C10orf90: variants seen among roughly 807,000 people sequenced by gnomAD.
C10orf90 encodes the protein (E2-independent) E3 ubiquitin-conjugating enzyme FATS.
In C10orf90, 56 loss-of-function variants were observed where a neutral mutation model predicts 62.5. That is an observed-to-expected ratio of 0.90 (90% CI 0.72 to 1.12). C10orf90 has a LOEUF of 1.12. Among genes scored for constraint, C10orf90 ranks in the 50% most tolerant of loss-of-function variants. C10orf90 has a pLI of 0.00. For missense variants in C10orf90, 970 were observed against 880.4 expected, an observed-to-expected ratio of 1.10 and a Z score of -1.29; for synonymous variants, 386 against 340.4, an observed-to-expected ratio of 1.13 and a Z score of -1.47.
At chr10:126,507,695 T>C (rs984291024) in intron 3 of C10orf90, among the ~76,000 whole-genome samples, 2 of 152,092 alleles carry the variant, frequency 1.3e-5, no homozygotes, top group Non-Finnish European at 2.9e-5. Flanking sequence ...ATCAGTCACC[T>C]GGGAACTCAT....
chr10:126,598,693 C>A (rs546149739), intron 2 of C10orf90, among the ~76,000 whole-genome samples: 1 of 152,246 alleles, frequency 6.6e-6, no homozygotes, highest in Admixed American at 6.5e-5. Context: ...CAATCATCAA[C>A]TCACGGGTAA....
At chr10:126,533,751 G>C (rs981826341) in intron 2 of C10orf90, among the ~76,000 whole-genome samples, 1 of 152,218 alleles carries the variant, frequency 6.6e-6, no homozygotes, top group Non-Finnish European at 1.5e-5. Flanking sequence ...TGCGAAATGA[G>C]AATACACATC....
intron 2 of C10orf90, among the ~76,000 whole-genome samples, chr10:126,544,480 C>T (rs1200547239): frequency 6.6e-6 from 1 of 152,064 alleles, no homozygotes; most frequent in Non-Finnish European, 1.5e-5. Flanking sequence ...GTGCTATCCA[C>T]ACAACTCACT....
chr10:126,658,900 T>C (rs770142861), intron 1 of C10orf90, among the ~76,000 whole-genome samples: 2 of 152,188 alleles, frequency 1.3e-5, no homozygotes, highest in Non-Finnish European at 1.5e-5. Context: ...GCCCTTTCCC[T>C]AGTTTTAAAA....
At chr10:126,656,591 CACA>C (rs1345240399) in intron 1 of C10orf90, among the ~76,000 whole-genome samples, 3 of 152,196 alleles carry the variant, frequency 2.0e-5, no homozygotes, top group Admixed American at 2.0e-4. Context: ...ATCACGGCCA[CACA>C]ATACTACATA....
intron 3 of C10orf90, among the ~76,000 whole-genome samples, chr10:126,506,166 C>T (rs996777410): frequency 1.3e-5 from 2 of 152,182 alleles, no homozygotes; most frequent in African/African-American, 4.8e-5. Flanking sequence ...TTTCATTTTT[C>T]CTAATCAGCA....
chr10:126,463,741 C>T (rs2133737430), intron 5 of C10orf90, among the ~76,000 whole-genome samples: 1 of 152,350 alleles, frequency 6.6e-6, no homozygotes, highest in South Asian at 2.1e-4. Flanking sequence ...TCTGCACAGT[C>T]CCTCCTCTGA....
intron 7 of C10orf90, among the ~76,000 whole-genome samples, chr10:126,433,245 T>C (rs938194860): frequency 6.6e-6 from 1 of 151,930 alleles, no homozygotes. Flanking sequence ...GATAGGGACA[T>C]GAAGATAAAT....
At chr10:126,519,319 A>G (rs1863615752) in intron 2 of C10orf90, among the ~76,000 whole-genome samples, 1 of 152,256 alleles carries the variant, frequency 6.6e-6, no homozygotes, top group African/African-American at 2.4e-5. Flanking sequence ...ATGGTTAAAA[A>G]TTATGTCTAA....
Position 126,461,597 on chromosome 10 carries a change from G to T in C10orf90, c.1826-12C>A, listed in dbSNP as rs769554259. 1.9e-6 allele frequency: 3 copies of T among 1,604,248 alleles called. No homozygotes were observed. In the South Asian group the frequency reaches 3.3e-5, roughly 18 times the overall value. ...GCATGTGTAATCTCCTAGGAGAGAAGATTTAGAATCCCATTTAGAGGGCAC... is the reference window on the plus strand; with the variant it reads ...GCATGTGTAATCTCCTAGGAGAGAATATTTAGAATCCCATTTAGAGGGCAC... On this transcript the variant is annotated splice_polypyrimidine_tract_variant and intron_variant, in intron 5 of 9. Transcript: ENST00000488181.
rs527836941 is a variant in C10orf90, at chr10:126,565,208, T to G, written c.314-51269A>C. On this transcript the variant is annotated intron_variant, in intron 2 of 9. Coordinates refer to ENST00000488181, the MANE Select transcript of C10orf90 (RefSeq NM_001350921.2). ...TATAATATTTATATTACATATTATG[T>G]AATATAATTTTTATATTACATATTA... Among the ~76,000 whole-genome samples, 157 of 60,616 alleles carry G rather than the reference T, an allele frequency of 2.6e-3. 14 individuals carry two copies. The highest frequency in any genetic ancestry group is 8.2e-3 in the African/African-American group (136 of 16,494). The allele number at this position is 60,616 out of a possible 152,430, so 39.8% of individuals were successfully genotyped here.
chr10:126,461,813 C>T (rs745825414), intron 5 of C10orf90, among the ~76,000 whole-genome samples: 6 of 152,102 alleles, frequency 3.9e-5, no homozygotes, highest in Non-Finnish European at 8.8e-5. Context: ...CTAATTATGC[C>T]AGGGAGGTAT....
intron 4 of C10orf90, among the ~76,000 whole-genome samples, chr10:126,475,634 A>G (rs1564818682): frequency 6.8e-6 from 1 of 147,040 alleles, no homozygotes; most frequent in Non-Finnish European, 1.5e-5. Flanking sequence ...GCAAAACTTA[A>G]TAACTTAATT....
chr10:126,606,731 TTGAA>T (rs1237863994), intron 2 of C10orf90, among the ~76,000 whole-genome samples: 4 of 152,186 alleles, frequency 2.6e-5, no homozygotes, highest in African/African-American at 9.7e-5. Context: ...TGGCTCCTGA[TTGAA>T]TGAAGTTCAA....
intron 7 of C10orf90, 103 bp downstream of exon 7, chr10:126,458,937 T>C (rs531263660): frequency 1.6e-6 from 2 of 1,229,490 alleles, no homozygotes; most frequent in Admixed American, 2.7e-5. Flanking sequence ...TCTGCGTATG[T>C]CAGTGGCATC....
At chr10:126,426,889 G>A (rs1337400742) in intron 8 of C10orf90, among the ~76,000 whole-genome samples, 1 of 152,182 alleles carries the variant, frequency 6.6e-6, no homozygotes, top group Non-Finnish European at 1.5e-5. Flanking sequence ...ATCTTCGCAG[G>A]AGACATCTTA....
At chr10:126,512,314 T>G (rs1482435171) in intron 3 of C10orf90, among the ~76,000 whole-genome samples, 1 of 150,702 alleles carries the variant, frequency 6.6e-6, no homozygotes, top group African/African-American at 2.4e-5. Context: ...TGTGTCTGTG[T>G]GTGTGTGTGT....
At chr10:126,655,452 G>A (rs1564911750) in intron 1 of C10orf90, among the ~76,000 whole-genome samples, 2 of 152,098 alleles carry the variant, frequency 1.3e-5, no homozygotes, top group Non-Finnish European at 2.9e-5. Flanking sequence ...ACATGCTTTT[G>A]GAAAAACAGC....
At chr10:126,643,147 C>T (rs1846099131) in intron 2 of C10orf90, among the ~76,000 whole-genome samples, 1 of 152,200 alleles carries the variant, frequency 6.6e-6, no homozygotes, top group Admixed American at 6.5e-5. Context: ...CTTTGCCTAC[C>T]TAATAAATAC....
Sources: gnomAD v4.1 joint callset for allele counts (sites outside exome capture counted in the v4.1 genomes callset) on GRCh38, gnomAD v4.1.1 for gene constraint, MANE v1.5 for transcripts, NCBI Gene and HGNC (gene_info 2026-07-23, HGNC 2026-07-21) for gene names.